Variants in TMEM217 observed in about 807,000 individuals in gnomAD.
TMEM217 encodes the protein transmembrane protein 217.
For synonymous variants in TMEM217, 76 were observed against 88.3 expected (o/e 0.86, Z 0.78); for missense variants, 204 against 248.8 (o/e 0.82, Z 1.21).
intron 1 of TMEM217, among the ~76,000 whole-genome samples, chr6:37,252,631 ATATATATTT>A (rs1442628237): frequency 2.1e-3 from 166 of 77,300 alleles, no homozygotes; most frequent in Middle Eastern, 6.4e-3. Context: ...ATATATATAT[ATATATATTT>A]TTTTTTTTTT....
intron 1 of TMEM217, among the ~76,000 whole-genome samples, chr6:37,251,628 TAC>T (rs1765404786): frequency 6.6e-6 from 1 of 152,202 alleles, no homozygotes; most frequent in African/African-American, 2.4e-5. Context: ...TGTTTATGGA[TAC>T]ACACATATGT....
chr6:37,257,380 A>T (rs978139453), intron 1 of TMEM217, among the ~76,000 whole-genome samples, 188 bp downstream of exon 1: 3 of 152,212 alleles, frequency 2.0e-5, no homozygotes, highest in Admixed American at 1.3e-4. Flanking sequence ...TAATAACCAG[A>T]GTGTCATTGA....
chr6:37,251,205 G>T (rs1432260626), intron 1 of TMEM217, among the ~76,000 whole-genome samples: 2 of 152,120 alleles, frequency 1.3e-5, no homozygotes, highest in African/African-American at 4.8e-5. Context: ...ATTTTTTCAT[G>T]TCAGACAGGT....
intron 1 of TMEM217, among the ~76,000 whole-genome samples, chr6:37,237,499 C>T (rs1318552273): frequency 6.6e-6 from 1 of 152,196 alleles, no homozygotes; most frequent in East Asian, 1.9e-4. Flanking sequence ...GCAGAAGATT[C>T]AGGACTTCAT....
At chr6:37,215,470 G>A (rs1231074209), downstream of TMEM217, among the ~76,000 whole-genome samples, 5 of 149,540 alleles carry the variant, frequency 3.3e-5, no homozygotes, top group East Asian at 1.9e-4. Context: ...GGAGGCTGAG[G>A]CAGCAGAATT....
chr6:37,212,869 T>A (rs1191153153), downstream of TMEM217: 1 of 1,462,988 alleles, frequency 6.8e-7, no homozygotes, highest in South Asian at 1.2e-5. Context: ...CTTGGCCTCA[T>A]AGCAAATGTG....
chr6:37,218,805 T>C (rs772108458), exon 2 of TMEM217: 5 of 1,613,960 alleles, frequency 3.1e-6, no homozygotes, highest in African/African-American at 2.7e-5. Context: ...CTGATGAGGA[T>C]GGTGATGAAA....
At chr6:37,213,609 A>G (rs898256523), downstream of TMEM217, among the ~76,000 whole-genome samples, 2 of 152,244 alleles carry the variant, frequency 1.3e-5, no homozygotes, top group African/African-American at 4.8e-5. Flanking sequence ...ATAAGCCACC[A>G]TTGTGCAGGT....
At chr6:37,217,569 A>G (rs1331049015), downstream of TMEM217, 23 of 902,670 alleles carry the variant, frequency 2.5e-5, no homozygotes, top group Non-Finnish European at 3.0e-5. Context: ...TATATCTTTG[A>G]TTAAGGAAGT....
At chr6:37,212,841 G>C, downstream of TMEM217, 1 of 1,171,722 alleles carries the variant, frequency 8.5e-7, no homozygotes, top group Non-Finnish European at 1.2e-6. Context: ...CCGACTTTGA[G>C]TCCACGTAGA....
intron 1 of TMEM217, among the ~76,000 whole-genome samples, chr6:37,254,852 C>T (rs904361972): frequency 6.6e-6 from 1 of 152,052 alleles, no homozygotes; most frequent in Non-Finnish European, 1.5e-5. Flanking sequence ...GACAACTTTT[C>T]CATGAAAATT....
At chr6:37,226,256 T>G (rs1223322104) in intron 1 of TMEM217, among the ~76,000 whole-genome samples, 25 of 149,472 alleles carry the variant, frequency 1.7e-4, no homozygotes, top group African/African-American at 5.0e-4. Flanking sequence ...TTTTGTTTTG[T>G]TTTATTTTGT....
chr6:37,231,799 A>ATT (rs767530044), intron 1 of TMEM217, among the ~76,000 whole-genome samples: 3 of 145,386 alleles, frequency 2.1e-5, no homozygotes, highest in Non-Finnish European at 3.0e-5. Flanking sequence ...TAAATGTACA[A>ATT]TTTTTTTTTT....
At chr6:37,228,339 T>C (rs1040498061) in intron 1 of TMEM217, among the ~76,000 whole-genome samples, 2 of 152,230 alleles carry the variant, frequency 1.3e-5, no homozygotes, top group African/African-American at 4.8e-5. Context: ...CCTTAATAGG[T>C]TGTGCTGTTC....
intron 1 of TMEM217, among the ~76,000 whole-genome samples, chr6:37,223,799 C>T (rs1421470602): frequency 6.6e-6 from 1 of 152,032 alleles, no homozygotes; most frequent in East Asian, 1.9e-4. Context: ...TGAGCCACTG[C>T]ACCTAGCCCA....
intron 1 of TMEM217, among the ~76,000 whole-genome samples, chr6:37,229,022 CAAT>C (rs921947738): frequency 4.6e-5 from 7 of 151,256 alleles, no homozygotes; most frequent in African/African-American, 9.7e-5. Flanking sequence ...AACAAAATAA[CAAT>C]AATAATAATA....
chr6:37,257,150 T>C (rs1281535383), intron 1 of TMEM217, among the ~76,000 whole-genome samples: 1 of 152,172 alleles, frequency 6.6e-6, no homozygotes, highest in East Asian at 1.9e-4. Flanking sequence ...GTTAGCATAG[T>C]CAGAAAGTGA....
intron 1 of TMEM217, among the ~76,000 whole-genome samples, chr6:37,229,164 G>T (rs1368359082): frequency 2.0e-5 from 3 of 151,820 alleles, no homozygotes; most frequent in African/African-American, 7.3e-5. Flanking sequence ...AGGTGTATTT[G>T]TATTATTTAT....
rs1489045294 is a variant in TMEM217 at position 37,252,635 on chromosome 6, A to ATTTT, written c.-12+4932_-12+4933insAAAA. On this transcript the variant is annotated intron_variant, in intron 1 of 1. Transcript: ENST00000357219. ...TGTGTGTGTATATATATATATATATATATTTTTTTTTTTTTTTTTTTTTTG... is the reference window on the plus strand; with the variant it reads ...TGTGTGTGTATATATATATATATATATTTTTATTTTTTTTTTTTTTTTTTTTTTG... Among the ~76,000 whole-genome samples the ATTTT allele has an allele frequency of 3.9e-3, 237 of 60,316 alleles. 1 individual carries two copies. Among genetic ancestry groups the ATTTT allele is most frequent in the Middle Eastern group, 0.011 (1 of 92 alleles). 39.6% of individuals were successfully genotyped at this position (60,316 alleles called of 152,430 possible).
Sources: gnomAD v4.1 joint callset for allele counts (sites outside exome capture counted in the v4.1 genomes callset) on GRCh38, gnomAD v4.1.1 for gene constraint, MANE v1.5 for transcripts, NCBI Gene and HGNC (gene_info 2026-07-23, HGNC 2026-07-21) for gene names.